Variants in ERC2 observed in about 807,000 individuals in gnomAD.
The protein encoded by ERC2 is ERC protein 2.
A neutral mutation model predicts 114.8 loss-of-function variants in ERC2; 42 were observed. That is an observed-to-expected ratio of 0.37 (90% confidence interval 0.29 to 0.47). ERC2 has a LOEUF of 0.47. Ranked by LOEUF, ERC2 falls within the 20% of genes least tolerant of loss-of-function variation. The probability of loss-of-function intolerance (pLI) is 0.99; values close to 1 mark genes in which losing one functional copy is unlikely to be tolerated. For missense variants in ERC2, 939 were observed against 1,150.7 expected (o/e 0.82, Z 2.66); for synonymous variants, 454 against 425.5 (o/e 1.07, Z -0.82).
intron 10 of ERC2, among the ~76,000 whole-genome samples, chr3:55,994,538 T>C (rs1442458568): frequency 1.3e-5 from 2 of 151,720 alleles, no homozygotes; most frequent in African/African-American, 4.8e-5. Context: ...CTCACTTTTG[T>C]TTTTATTATA....
chr3:55,881,947 A>G (rs772411080), intron 14 of ERC2, among the ~76,000 whole-genome samples: 9 of 152,318 alleles, frequency 5.9e-5, no homozygotes, highest in Non-Finnish European at 1.0e-4. Flanking sequence ...TTCTTCCAGC[A>G]GAGGAATAAT....
chr3:55,871,058 C>T (rs1422429046), intron 14 of ERC2, among the ~76,000 whole-genome samples: 1 of 152,154 alleles, frequency 6.6e-6, no homozygotes, highest in Admixed American at 6.5e-5. Flanking sequence ...CAGTGATATC[C>T]CTGGTTACCT....
chr3:56,282,861 C>T (rs1232977329), intron 3 of ERC2, among the ~76,000 whole-genome samples: 1 of 152,182 alleles, frequency 6.6e-6, no homozygotes, highest in African/African-American at 2.4e-5. Context: ...AGATCATTCT[C>T]TCTAAGTCCT....
intron 12 of ERC2, among the ~76,000 whole-genome samples, chr3:55,983,167 G>A (rs1433924641): frequency 6.6e-6 from 1 of 152,216 alleles, no homozygotes; most frequent in African/African-American, 2.4e-5. Context: ...GGGATCCAAA[G>A]TGGGCTGAAG....
At chr3:56,297,988 A>C (rs1197453340) in intron 2 of ERC2, among the ~76,000 whole-genome samples, 4 of 152,230 alleles carry the variant, frequency 2.6e-5, no homozygotes, top group Non-Finnish European at 5.9e-5. Flanking sequence ...TCTCATCTGT[A>C]TACCACAGTG....
At chr3:55,540,295 G>A (rs2054308628) in intron 17 of ERC2, among the ~76,000 whole-genome samples, 1 of 152,124 alleles carries the variant, frequency 6.6e-6, no homozygotes, top group Non-Finnish European at 1.5e-5. Context: ...GGGGAACTGG[G>A]GAGCAAGTTC....
At chr3:56,467,328 C>G (rs1275911648) in intron 1 of ERC2, among the ~76,000 whole-genome samples, 1 of 152,164 alleles carries the variant, frequency 6.6e-6, no homozygotes, top group Non-Finnish European at 1.5e-5. Flanking sequence ...ATTCACCGCT[C>G]GGGGAGTAAA....
chr3:55,631,985 A>G (rs913296041), intron 17 of ERC2, among the ~76,000 whole-genome samples: 7 of 152,224 alleles, frequency 4.6e-5, no homozygotes, highest in Admixed American at 4.6e-4. Flanking sequence ...TGAGATATTA[A>G]GTCCTTTGCC....
intron 13 of ERC2, among the ~76,000 whole-genome samples, chr3:55,938,962 T>C (rs1363143807): frequency 6.6e-6 from 1 of 152,226 alleles, no homozygotes; most frequent in Non-Finnish European, 1.5e-5. Flanking sequence ...AAAAAATTTA[T>C]CAGATTTGGA....
chr3:56,149,157 A>G, intron 4 of ERC2, 25 bp from the exon 5 acceptor site: 1 of 1,526,972 alleles, frequency 6.5e-7, no homozygotes, highest in Non-Finnish European at 8.8e-7. Context: ...GAAAAGAAAA[A>G]GAAAAATAAA....
At chr3:55,787,848 AAC>A (rs2069639672) in intron 14 of ERC2, among the ~76,000 whole-genome samples, 1 of 152,214 alleles carries the variant, frequency 6.6e-6, no homozygotes, top group Non-Finnish European at 1.5e-5. Context: ...ATCCTCCTGA[AAC>A]ACATGGGCTT....
intron 7 of ERC2, among the ~76,000 whole-genome samples, chr3:56,034,320 C>G (rs1382573943): frequency 6.6e-6 from 1 of 151,964 alleles, no homozygotes. Flanking sequence ...AACATCAGAA[C>G]ATTTAAATAT....
At chr3:55,726,069 C>G (rs1225091918) in intron 15 of ERC2, among the ~76,000 whole-genome samples, 1 of 152,124 alleles carries the variant, frequency 6.6e-6, no homozygotes, top group Non-Finnish European at 1.5e-5. Flanking sequence ...AAGGGGTTCT[C>G]TAGAATAGAC....
At chr3:55,905,643 T>C (rs2064390011) in intron 13 of ERC2, among the ~76,000 whole-genome samples, 2 of 152,144 alleles carry the variant, frequency 1.3e-5, no homozygotes, top group African/African-American at 4.8e-5. Context: ...AAAGAGGCGG[T>C]ATAGTATCTA....
chr3:56,249,099 T>C (rs1203038832), intron 3 of ERC2, among the ~76,000 whole-genome samples: 2 of 152,224 alleles, frequency 1.3e-5, no homozygotes, highest in Admixed American at 6.5e-5. Flanking sequence ...AATCTTGGTG[T>C]CTAGAGCTGA....
intron 14 of ERC2, among the ~76,000 whole-genome samples, chr3:55,787,709 A>G (rs1454466434): frequency 1.3e-5 from 2 of 152,190 alleles, no homozygotes; most frequent in African/African-American, 2.4e-5. Context: ...ACAGATCCCT[A>G]TTGATCCATC....
intron 17 of ERC2, among the ~76,000 whole-genome samples, chr3:55,535,681 G>A (rs1361332330): frequency 6.6e-6 from 1 of 152,174 alleles, no homozygotes; most frequent in Non-Finnish European, 1.5e-5. Flanking sequence ...CCCATCCTAT[G>A]TGGACCTTCT....
chr3:56,209,529 T>A (rs2048935054), intron 3 of ERC2, among the ~76,000 whole-genome samples: 2 of 152,148 alleles, frequency 1.3e-5, no homozygotes, highest in Admixed American at 6.6e-5. Context: ...TTATTTCCCA[T>A]GCCCAGCACA....
intron 1 of ERC2, among the ~76,000 whole-genome samples, chr3:56,454,755 G>A (rs1405872935): frequency 6.6e-6 from 1 of 151,448 alleles, no homozygotes. Context: ...GGAGGCTGAG[G>A]CACGAGGATC....
Sources: allele counts gnomAD v4.1 joint callset (sites outside exome capture counted in the v4.1 genomes callset), GRCh38; gene constraint gnomAD v4.1.1; transcripts MANE v1.5; gene names NCBI Gene and HGNC (gene_info 2026-07-23, HGNC 2026-07-21).